The following DOCK2 variants were observed in gnomAD, a reference collection of about 807,000 sequenced individuals.
DOCK2 encodes dedicator of cytokinesis protein 2.
Under a neutral mutation model 248.9 loss-of-function variants are expected in DOCK2, and 87 were observed. The ratio of observed to expected loss-of-function variants is 0.35; its 90% CI spans 0.29 to 0.42. The LOEUF is 0.42. Among genes scored for constraint, DOCK2 ranks in the 10% least tolerant of loss-of-function variants. The pLI, the probability that DOCK2 is intolerant of heterozygous loss-of-function variation, is 1.00. For synonymous variants in DOCK2, 805 were observed against 821.6 expected, an observed-to-expected ratio of 0.98 and a Z score of 0.35; for missense variants, 1,747 against 2,300.2, an observed-to-expected ratio of 0.76 and a Z score of 4.92.
chr5:169,906,832 GC>G (rs1774308000), intron 27 of DOCK2, among the ~76,000 whole-genome samples: 1 of 152,198 alleles, frequency 6.6e-6, no homozygotes, highest in African/African-American at 2.4e-5. Flanking sequence ...GGAAATTAGG[GC>G]CTGAAGTAGA....
At chr5:169,790,415 A>G (rs1033186494) in intron 25 of DOCK2, among the ~76,000 whole-genome samples, 3 of 152,230 alleles carry the variant, frequency 2.0e-5, no homozygotes, top group African/African-American at 7.2e-5. Flanking sequence ...CGCTTGCCTG[A>G]GCCCTCCATT....
At chr5:170,026,010 T>C (rs1169976333) in intron 33 of DOCK2, among the ~76,000 whole-genome samples, 1 of 152,060 alleles carries the variant, frequency 6.6e-6, no homozygotes. Flanking sequence ...CTACCCATTT[T>C]TCCAGGCCCG....
intron 27 of DOCK2, among the ~76,000 whole-genome samples, chr5:169,903,071 C>T (rs1031377405): frequency 2.6e-5 from 4 of 150,968 alleles, no homozygotes; most frequent in African/African-American, 9.7e-5. Context: ...GTACTCCAGC[C>T]TGGCGACAGA....
At chr5:169,924,391 A>G (rs964999331) in intron 27 of DOCK2, among the ~76,000 whole-genome samples, 7 of 152,244 alleles carry the variant, frequency 4.6e-5, no homozygotes, top group Admixed American at 3.3e-4. Flanking sequence ...GTTTCCTGGT[A>G]TCCAAAGGCC....
chr5:169,894,856 A>G (rs1004225042), intron 27 of DOCK2, among the ~76,000 whole-genome samples: 2 of 152,206 alleles, frequency 1.3e-5, no homozygotes, highest in Admixed American at 6.5e-5. Context: ...GGCAAATCTC[A>G]AGTAACATTA....
At chr5:170,013,686 C>A (rs1404964575) in intron 32 of DOCK2, among the ~76,000 whole-genome samples, 2 of 152,034 alleles carry the variant, frequency 1.3e-5, no homozygotes, top group Non-Finnish European at 2.9e-5. Context: ...TCCATGCAAC[C>A]CCTTTTAGGC....
In DOCK2 at chr5:170,082,900, A is replaced by T. The variant is rs1200638673; in HGVS notation, c.*42A>T. ...GCTGCATGGGAGAGCCAGGGAGGGG[A>T]GTTTCTGGAAGAGGAAAGCCATGCG... On this transcript the variant is annotated 3_prime_UTR_variant, in exon 52 of 52. Coordinates refer to ENST00000520908, the MANE Select transcript of DOCK2 (RefSeq NM_004946.3). 3 of 1,613,060 alleles carry T rather than the reference A, an allele frequency of 1.9e-6. No homozygotes were observed. In the African/African-American group the frequency reaches 4.0e-5, roughly 22 times the overall value.
chr5:169,770,997 G>A (rs540076972), intron 25 of DOCK2, among the ~76,000 whole-genome samples: 1 of 152,320 alleles, frequency 6.6e-6, no homozygotes, highest in African/African-American at 2.4e-5. Flanking sequence ...TTGGCCATAA[G>A]GGATCAGAAT....
At chr5:169,699,835 G>A (rs1226876213) in intron 12 of DOCK2, among the ~76,000 whole-genome samples, 179 bp from the exon 13 acceptor site, 2 of 152,226 alleles carry the variant, frequency 1.3e-5, no homozygotes, top group African/African-American at 2.4e-5. Flanking sequence ...AATCATTAGC[G>A]GGATTCAGAC....
intron 27 of DOCK2, among the ~76,000 whole-genome samples, chr5:169,952,921 G>A (rs1776721250): frequency 6.6e-6 from 1 of 152,198 alleles, no homozygotes; most frequent in African/African-American, 2.4e-5. Flanking sequence ...GAGAGCCTCA[G>A]ATAGGGAGAA....
chr5:170,042,064 C>A lies in DOCK2; in HGVS notation c.3808C>A (p.Pro1270Thr). Residue 1270 changes from proline to threonine, a missense_variant, in exon 38 of 52, where the codon CCC becomes ACC. This residue lies in a region of DOCK2 where 858 missense variants were observed against 1,183.5 expected (regional missense o/e 0.72). Coordinates refer to ENST00000520908, the MANE Select transcript of DOCK2 (RefSeq NM_004946.3). ...GGTCATGCAGACAGGCCAGCAGCAC[C>A]CCCAGACACACCGGCAGCTGAAGGA... ...SQVMQTGQQH[P>T]QTHRQLKETL... 1.9e-6 allele frequency: 3 copies of A among 1,613,800 alleles called. No homozygotes were observed. The highest frequency in any genetic ancestry group is 2.5e-6 in the Non-Finnish European group (3 of 1,179,864).
intron 27 of DOCK2, among the ~76,000 whole-genome samples, chr5:169,861,976 T>C (rs1307788015): frequency 2.0e-5 from 3 of 151,818 alleles, no homozygotes; most frequent in African/African-American, 4.8e-5. Flanking sequence ...AATGTCAACA[T>C]TTTCTAGTCC....
intron 2 of DOCK2, among the ~76,000 whole-genome samples, chr5:169,664,128 C>A (rs1306585952): frequency 6.6e-6 from 1 of 152,208 alleles, no homozygotes; most frequent in Non-Finnish European, 1.5e-5. Flanking sequence ...GCCAGATACC[C>A]TAAATCATCT....
intron 40 of DOCK2, among the ~76,000 whole-genome samples, chr5:170,048,189 C>A (rs1336686947): frequency 6.6e-6 from 1 of 152,002 alleles, no homozygotes; most frequent in African/African-American, 2.4e-5. Flanking sequence ...CTCAGGAGTT[C>A]GAGACCAGCC....
At chr5:169,760,742 G>GA (rs1561671028) in intron 24 of DOCK2, among the ~76,000 whole-genome samples, 1 of 152,114 alleles carries the variant, frequency 6.6e-6, no homozygotes, top group East Asian at 1.9e-4. Flanking sequence ...TGTGTCATTT[G>GA]ATGACCTCTA....
At chr5:169,647,785 C>T (rs1757553607) in intron 1 of DOCK2, among the ~76,000 whole-genome samples, 1 of 152,150 alleles carries the variant, frequency 6.6e-6, no homozygotes, top group African/African-American at 2.4e-5. Flanking sequence ...CTTAGTGGGG[C>T]CTCTTTTTCC....
intron 27 of DOCK2, among the ~76,000 whole-genome samples, chr5:169,845,916 G>A (rs1226713536): frequency 6.6e-6 from 1 of 152,116 alleles, no homozygotes; most frequent in Non-Finnish European, 1.5e-5. Flanking sequence ...AGCCTTTCCA[G>A]CAATTCCTAG....
intron 43 of DOCK2, chr5:170,057,347 C>T (rs1039321182): frequency 5.5e-5 from 31 of 566,680 alleles, no homozygotes; most frequent in Non-Finnish European, 1.3e-5. Flanking sequence ...CTAATAAACC[C>T]AGGTTAGTAC....
chr5:169,749,562 T>G (rs1033267376), intron 23 of DOCK2, among the ~76,000 whole-genome samples: 3 of 152,170 alleles, frequency 2.0e-5, no homozygotes, highest in African/African-American at 7.2e-5. Context: ...AGGTTTCTAT[T>G]TTATTGATGA....
Sources: allele counts gnomAD v4.1 joint callset (sites outside exome capture counted in the v4.1 genomes callset), GRCh38; gene constraint gnomAD v4.1.1; regional missense constraint gnomAD v4.1.1; transcripts MANE v1.5; gene names NCBI Gene and HGNC (gene_info 2026-07-23, HGNC 2026-07-21).